The following XPO7 variants were observed in gnomAD, a reference collection of about 807,000 sequenced individuals.
XPO7 encodes exportin 7.
Under a neutral mutation model 144.3 loss-of-function variants are expected in XPO7, and 21 were observed. The observed-to-expected ratio is 0.15, with a 90% CI of 0.10 to 0.21. The LOEUF is 0.21. Ranked by LOEUF, XPO7 falls within the 10% of genes least tolerant of loss-of-function variation. The probability of loss-of-function intolerance (pLI) is 1.00; values close to 1 mark genes in which losing one functional copy is unlikely to be tolerated. For synonymous variants in XPO7, 580 were observed against 499.6 expected, an observed-to-expected ratio of 1.16 and a Z score of -2.15; for missense variants, 808 against 1,325.8, an observed-to-expected ratio of 0.61 and a Z score of 6.06.
intron 1 of XPO7, among the ~76,000 whole-genome samples, chr8:21,927,127 T>C (rs1810482766): frequency 6.6e-6 from 1 of 152,038 alleles, no homozygotes; most frequent in South Asian, 2.1e-4. Context: ...CACATGCTTG[T>C]AGTCCCAGCT....
chr8:21,935,896 C>G (rs1437522956), intron 1 of XPO7, among the ~76,000 whole-genome samples: 1 of 152,140 alleles, frequency 6.6e-6, no homozygotes, highest in Non-Finnish European at 1.5e-5. Flanking sequence ...ACTCAATCAG[C>G]TTTCCTCATT....
At chr8:21,924,093 G>T (rs1366300717) in intron 1 of XPO7, among the ~76,000 whole-genome samples, 1 of 152,160 alleles carries the variant, frequency 6.6e-6, no homozygotes, top group East Asian at 1.9e-4. Context: ...TGAGGATAGA[G>T]AATTTTCTTT....
At position 22,003,946 on chromosome 8, in the gene XPO7, C is replaced by T. The variant is rs758693683; in HGVS notation, c.3086C>T (p.Pro1029Leu). The change falls in exon 27 of 28, where the codon CCG (proline) becomes CTG (leucine). Residue 1029 changes from proline to leucine, a missense_variant. By Grantham distance (98) the Pro-to-Leu change is moderately conservative. Around this residue, in one of 5 missense-constraint regions of XPO7, gnomAD observed 140 missense variants for 237.9 expected, o/e 0.59. Transcript: ENST00000252512. The stretch of plus-strand genomic sequence containing the variant: ...AACAGTATTGTGAACAGCCAGCCAC[C>T]GGAGAAGCAGCAGGCCATGCACCTG... The part of the protein sequence containing the change: ...LRNSIVNSQP[P>L]EKQQAMHLCF... 2.5e-6 allele frequency: 4 copies of T among 1,613,896 alleles called. No individual in the cohort carries two copies. The highest frequency in any genetic ancestry group is 3.4e-6 in the Non-Finnish European group (4 of 1,179,874).
At chr8:21,949,373 T>TG (rs1229254323) in intron 1 of XPO7, among the ~76,000 whole-genome samples, 1 of 152,220 alleles carries the variant, frequency 6.6e-6, no homozygotes, top group Non-Finnish European at 1.5e-5. Context: ...CCCATATAGC[T>TG]GCCCTTGTCT....
At chr8:21,945,317 A>C (rs1252046435) in intron 1 of XPO7, among the ~76,000 whole-genome samples, 2 of 152,006 alleles carry the variant, frequency 1.3e-5, no homozygotes, top group Non-Finnish European at 2.9e-5. Flanking sequence ...CATATAAAAA[A>C]CTGCTGGAAT....
intron 7 of XPO7, among the ~76,000 whole-genome samples, chr8:21,977,140 C>T (rs1812249508): frequency 6.6e-6 from 1 of 152,194 alleles, no homozygotes; most frequent in Non-Finnish European, 1.5e-5. Flanking sequence ...CAAAATCAAA[C>T]ACAACAACTT....
At chr8:21,982,541 TA>T (rs5890017) in intron 10 of XPO7, 98 bp from the exon 11 acceptor site, 9 of 1,344,746 alleles carry the variant, frequency 6.7e-6, no homozygotes, top group African/African-American at 1.5e-5. Context: ...CCTCTTTTTT[TA>T]AAAAAAAGAA....
intron 1 of XPO7, among the ~76,000 whole-genome samples, chr8:21,929,665 T>C (rs532562641): frequency 4.6e-5 from 7 of 152,342 alleles, no homozygotes; most frequent in South Asian, 4.1e-4. Context: ...TAAAGTATTA[T>C]TTACCATAAA....
intron 2 of XPO7, 101 bp from the exon 3 acceptor site, chr8:21,969,382 G>C (rs1188770264): frequency 1.0e-6 from 1 of 1,000,840 alleles, no homozygotes; most frequent in East Asian, 2.6e-5. Flanking sequence ...TGCCAAAACT[G>C]ATTGCCTTTT....
At chr8:21,970,469 A>C (rs1334661256) in intron 4 of XPO7, among the ~76,000 whole-genome samples, 159 bp downstream of exon 4, 1 of 152,186 alleles carries the variant, frequency 6.6e-6, no homozygotes, top group Non-Finnish European at 1.5e-5. Context: ...CATGTTTTTT[A>C]CCCTTAATAG....
Position 21,989,015 on chromosome 8 carries a change from G to A in XPO7, c.1800G>A (p.Leu600=), listed in dbSNP as rs551013144. 1 of 1,613,066 alleles carries A rather than the reference G, an allele frequency of 6.2e-7. No homozygotes were observed. Among genetic ancestry groups the A allele is most frequent in the Non-Finnish European group, 8.5e-7 (1 of 1,179,700 alleles). The stretch of plus-strand genomic sequence containing the variant: ...TTTTGTCCTCCAGCATCACCAACTT[G>A]AAGTACTGGGGCCGTTGTGAACCAA... The part of the protein sequence containing the change: ...SVFIGKIITN[L]KYWGRCEPIT... Residue 600 remains leucine (L), a synonymous_variant, in exon 16 of 28, where the codon TTG becomes TTA. Transcript: ENST00000252512.
rs1188407059 is a variant in XPO7, at chr8:22,006,172, A to G, written c.*1084A>G. On this transcript the variant is annotated 3_prime_UTR_variant, in exon 28 of 28. Transcript: ENST00000252512. ...AGTTACTACAGTGGAAGGGTTCTTA[A>G]TAACAAGGTCTACCTAGCATGAAGT... 6.6e-6 allele frequency: 1 copy of G among 152,228 alleles called. No homozygotes were observed. The highest frequency in any genetic ancestry group is 1.5e-5 in the Non-Finnish European group (1 of 68,038). 9.4% of individuals were successfully genotyped at this position (152,228 alleles called of 1,614,324 possible). A position where few individuals can be genotyped will look rare whatever the true frequency, so the allele number is the denominator to read the frequency against.
intron 1 of XPO7, among the ~76,000 whole-genome samples, chr8:21,942,044 G>A (rs1036853505): frequency 2.0e-5 from 3 of 152,168 alleles, no homozygotes; most frequent in African/African-American, 7.2e-5. Flanking sequence ...GGAGGGGAGG[G>A]TGTTATGTAT....
chr8:21,943,881 G>A (rs1201975995), intron 1 of XPO7, among the ~76,000 whole-genome samples: 2 of 152,168 alleles, frequency 1.3e-5, no homozygotes, highest in Non-Finnish European at 2.9e-5. Context: ...TTGTGCCGGA[G>A]AGAGTAGTAT....
chr8:21,949,960 G>T (rs1811316043), intron 1 of XPO7, among the ~76,000 whole-genome samples: 1 of 152,162 alleles, frequency 6.6e-6, no homozygotes, highest in Non-Finnish European at 1.5e-5. Flanking sequence ...CCTGACCTCA[G>T]GTGATCTGCC....
At chr8:21,982,921 G>A (rs1812453421) in intron 11 of XPO7, 109 bp downstream of exon 11, 1 of 1,329,266 alleles carries the variant, frequency 7.5e-7, no homozygotes, top group South Asian at 1.5e-5. Flanking sequence ...TCTCATTGGA[G>A]CCACTACTGT....
chr8:21,950,374 A>C (rs1305324475), intron 1 of XPO7, among the ~76,000 whole-genome samples: 1 of 152,322 alleles, frequency 6.6e-6, no homozygotes, highest in East Asian at 1.9e-4. Context: ...TTGGTGGACT[A>C]TTTCATATTC....
chr8:21,981,989 C>G, intron 10 of XPO7, 112 bp downstream of exon 10: 2 of 1,382,062 alleles, frequency 1.4e-6, no homozygotes, highest in Non-Finnish European at 2.0e-6. Flanking sequence ...ACCATAAGTC[C>G]AGTATAGCCC....
intron 1 of XPO7, among the ~76,000 whole-genome samples, chr8:21,920,212 A>T (rs1184402328): frequency 6.7e-6 from 1 of 149,644 alleles, no homozygotes; most frequent in Non-Finnish European, 1.5e-5. Flanking sequence ...AGCAGATAAC[A>T]AAAAGGAAAC....
Sources: allele counts gnomAD v4.1 joint callset (sites outside exome capture counted in the v4.1 genomes callset), GRCh38; gene constraint gnomAD v4.1.1; regional missense constraint gnomAD v4.1.1; transcripts MANE v1.5; gene names NCBI Gene and HGNC (gene_info 2026-07-23, HGNC 2026-07-21).